The following DMD variants were observed in gnomAD, a reference collection of about 807,000 sequenced individuals.
DMD encodes the protein dystrophin.
Under a neutral mutation model 330.1 loss-of-function variants are expected in DMD, and 63 were observed. The ratio of observed to expected loss-of-function variants is 0.19; its 90% CI spans 0.16 to 0.24. The LOEUF (loss-of-function observed/expected upper bound fraction) is 0.24, where lower values mean the gene tolerates loss of function less well. Ranked by LOEUF, DMD falls within the 10% of genes least tolerant of loss-of-function variation. DMD has a pLI of 1.00. For missense variants in DMD, 3,344 were observed against 2,684.1 expected, an observed-to-expected ratio of 1.25 and a Z score of -5.43; for synonymous variants, 1,223 against 959.8, an observed-to-expected ratio of 1.27 and a Z score of -5.07.
intron 34 of DMD, among the ~76,000 whole-genome samples, chrX:32,370,630 C>T (rs2097872095): frequency 9.1e-6 from 1 of 109,917 alleles, no homozygotes; most frequent in Non-Finnish European, 1.9e-5. Flanking sequence ...TTCATTGCAC[C>T]AAGTTAATGA....
chrX:32,659,191 T>C (rs2060788588), intron 9 of DMD, among the ~76,000 whole-genome samples: 1 of 112,260 alleles, frequency 8.9e-6, no homozygotes, highest in Non-Finnish European at 1.9e-5. Context: ...GTAAATTTTC[T>C]CCAAGGACAT....
chrX:32,833,361 A>C (rs750569219), intron 4 of DMD, among the ~76,000 whole-genome samples: 5 of 110,855 alleles, frequency 4.5e-5, no homozygotes, highest in Non-Finnish European at 9.5e-5. Context: ...AAACAAATTT[A>C]TCAAAATAGA....
At chrX:32,824,260 A>G (rs999475858) in intron 4 of DMD, among the ~76,000 whole-genome samples, 4 of 111,564 alleles carry the variant, frequency 3.6e-5, no homozygotes, top group Non-Finnish European at 1.9e-5. Flanking sequence ...TTGAGCATTT[A>G]TCTCAAGGAA....
intron 60 of DMD, among the ~76,000 whole-genome samples, chrX:31,434,275 A>G (rs2064302202): frequency 9.0e-6 from 1 of 111,012 alleles, no homozygotes; most frequent in South Asian, 3.9e-4. Flanking sequence ...CCCAGGCTTC[A>G]GGCCATTTAA....
intron 67 of DMD, among the ~76,000 whole-genome samples, chrX:31,199,179 C>G (rs377151004): frequency 3.6e-5 from 4 of 111,666 alleles, no homozygotes; most frequent in Admixed American, 2.8e-4. Flanking sequence ...TTACTAAGGT[C>G]GTAAAAATCA....
chrX:32,425,416 T>C (rs778487437), intron 29 of DMD, among the ~76,000 whole-genome samples: 1 of 111,550 alleles, frequency 9.0e-6, no homozygotes, highest in African/African-American at 3.3e-5. Context: ...GTATCCTATC[T>C]TGTAAGACTT....
intron 59 of DMD, among the ~76,000 whole-genome samples, chrX:31,471,459 C>T (rs138341437): frequency 1.0e-3 from 112 of 111,794 alleles, no homozygotes; most frequent in Non-Finnish European, 1.8e-3. Flanking sequence ...CGTGCTTCTG[C>T]GCCCTCTGTG....
At chrX:31,338,309 C>CAAAAAAAAA (rs752828727) in intron 61 of DMD, among the ~76,000 whole-genome samples, 4 of 53,387 alleles carry the variant, frequency 7.5e-5, no homozygotes, top group Non-Finnish European at 9.9e-5. Flanking sequence ...AGTAAAAATA[C>CAAAAAAAAA]AAAAAAAAAA....
At position 32,798,855 on chromosome X, in the gene DMD, A is replaced by T. The variant is rs753828243; in HGVS notation, c.649+10638T>A. 2.2e-3 allele frequency among the ~76,000 whole-genome samples: 247 copies of T among 111,534 alleles called. 1 individual carries two copies. The highest frequency in any genetic ancestry group is 7.7e-3 in the African/African-American group (237 of 30,764). Reference sequence around the variant, plus strand: ...TTCACAAAAATATTTATTTATTTAAATTAACTCTAATCCTCCTGAGAATTA... The same window carrying T: ...TTCACAAAAATATTTATTTATTTAATTTAACTCTAATCCTCCTGAGAATTA... On this transcript the variant is annotated intron_variant, in intron 7 of 78. Coordinates refer to ENST00000357033, the MANE Select transcript of DMD (RefSeq NM_004006.3).
chrX:32,725,353 CATGT>C (rs1416051839), intron 7 of DMD, among the ~76,000 whole-genome samples: 3 of 110,517 alleles, frequency 2.7e-5, no homozygotes, highest in Admixed American at 9.8e-5. Context: ...TATATGCATG[CATGT>C]GTTTATATAC....
chrX:32,892,791 C>G (rs183700883), intron 2 of DMD, among the ~76,000 whole-genome samples: 2 of 111,993 alleles, frequency 1.8e-5, no homozygotes, highest in East Asian at 5.6e-4. Context: ...TTTCCCAGCT[C>G]AGGCCTACAC....
At chrX:32,847,542 C>A (rs1419891289) in intron 3 of DMD, among the ~76,000 whole-genome samples, 1 of 112,177 alleles carries the variant, frequency 8.9e-6, no homozygotes, top group African/African-American at 3.2e-5. Flanking sequence ...CAAGACAAGG[C>A]ATAGCGAATT....
intron 52 of DMD, among the ~76,000 whole-genome samples, chrX:31,714,808 ACTCCGAAGTGCCCTATCGTAGAT>A (rs774376165): frequency 1.8e-5 from 2 of 111,794 alleles, no homozygotes; most frequent in Non-Finnish European, 3.8e-5. Context: ...AAATTAAGGA[ACTCCGAAGTGCCCTATCGTAGAT>A]TTTGGTACTT....
intron 53 of DMD, among the ~76,000 whole-genome samples, chrX:31,667,220 A>G (rs1199644964): frequency 1.8e-5 from 2 of 111,568 alleles, no homozygotes; most frequent in Non-Finnish European, 3.8e-5. Flanking sequence ...CACTTAGCAT[A>G]TTTTTGAGGT....
chrX:31,620,594 T>C (rs780453939), intron 55 of DMD, among the ~76,000 whole-genome samples: 1 of 109,848 alleles, frequency 9.1e-6, no homozygotes, highest in Non-Finnish European at 1.9e-5. Context: ...TTTGTATTTT[T>C]AGTAGAGACG....
chrX:32,634,339 C>G (rs2146656743), intron 11 of DMD, among the ~76,000 whole-genome samples: 1 of 111,791 alleles, frequency 8.9e-6, no homozygotes, highest in South Asian at 3.8e-4. Flanking sequence ...TGTGGTCAAA[C>G]TGGAACCCAA....
chrX:32,594,694 T>C (rs917090806), intron 13 of DMD, among the ~76,000 whole-genome samples: 6 of 111,638 alleles, frequency 5.4e-5, no homozygotes, highest in Non-Finnish European at 1.1e-4. Context: ...TTTAATACTT[T>C]ATGATTTCTC....
Position 32,598,255 on chromosome X carries a change from C to T in DMD, c.1483-2379G>A, listed in dbSNP as rs149278123. Among the ~76,000 whole-genome samples, 10 of 111,972 alleles carry T rather than the reference C, an allele frequency of 8.9e-5. No individual in the cohort carries two copies. The East Asian group carries it at 2.8e-3, about 31-fold the overall frequency. ...TGTGCAATCTATACTGCCTATCATGCCTTTGACATTCCAGAGCTTATAATG... is the reference window on the plus strand; with the variant it reads ...TGTGCAATCTATACTGCCTATCATGTCTTTGACATTCCAGAGCTTATAATG... On this transcript the variant is annotated intron_variant, in intron 12 of 78. Coordinates refer to ENST00000357033, the MANE Select transcript of DMD (RefSeq NM_004006.3).
At chrX:32,206,230 A>C (rs2097068292) in intron 44 of DMD, 1 of 513,861 alleles carries the variant, frequency 1.9e-6, no homozygotes, top group African/African-American at 2.3e-5. Context: ...AGTGGACAGC[A>C]TTTAGTAGCT....
Sources: allele counts gnomAD v4.1 joint callset (sites outside exome capture counted in the v4.1 genomes callset), GRCh38; gene constraint gnomAD v4.1.1; transcripts MANE v1.5; gene names NCBI Gene and HGNC (gene_info 2026-07-23, HGNC 2026-07-21).